Variants in THSD7A observed in about 807,000 individuals in gnomAD.
THSD7A encodes the protein thrombospondin type 1 domain containing 7A.
A neutral mutation model predicts 231.3 loss-of-function variants in THSD7A; 96 were observed. The ratio of observed to expected loss-of-function variants is 0.41; its 90% CI spans 0.35 to 0.49. The LOEUF is 0.49. Ranked by LOEUF, THSD7A falls within the 20% of genes least tolerant of loss-of-function variation. THSD7A has a pLI of 0.05. For missense variants in THSD7A, 2,290 were observed against 2,070.2 expected, an observed-to-expected ratio of 1.11 and a Z score of -2.06; for synonymous variants, 940 against 743.3, an observed-to-expected ratio of 1.26 and a Z score of -4.30.
intron 1 of THSD7A, among the ~76,000 whole-genome samples, chr7:11,736,970 T>G (rs1781937934): frequency 6.6e-6 from 1 of 151,980 alleles, no homozygotes; most frequent in East Asian, 1.9e-4. Context: ...GACTTCCTCC[T>G]TCTCTGGGCT....
chr7:11,603,011 G>T (rs1016939946), intron 2 of THSD7A, among the ~76,000 whole-genome samples: 3 of 150,884 alleles, frequency 2.0e-5, no homozygotes, highest in African/African-American at 7.3e-5. Flanking sequence ...GGCAACAAAA[G>T]ACAAAATTGA....
intron 2 of THSD7A, 121 bp from the exon 3 acceptor site, chr7:11,593,623 T>G: frequency 8.1e-7 from 1 of 1,235,606 alleles, no homozygotes; most frequent in Non-Finnish European, 1.1e-6. Context: ...TGATTCCAGT[T>G]TCATCGAAAA....
In THSD7A at chr7:11,558,588, G is replaced by A. The variant is rs1053940866; in HGVS notation, c.1454-15471C>T. 2.0e-5 allele frequency among the ~76,000 whole-genome samples: 3 copies of A among 152,108 alleles called. No individual in the cohort carries two copies. The East Asian group carries it at 5.8e-4, about 30-fold the overall frequency. Reference sequence around the variant, plus strand: ...AGGAAACCATTTTCAGACAGAAAATGAAAGTATTACTATACTAGACCATAA... The same window carrying A: ...AGGAAACCATTTTCAGACAGAAAATAAAAGTATTACTATACTAGACCATAA... On this transcript the variant is annotated intron_variant, in intron 4 of 27. Coordinates refer to ENST00000423059, the MANE Select transcript of THSD7A (RefSeq NM_015204.3).
chr7:11,529,373 G>C lies in THSD7A; in HGVS notation c.1822+12046C>G, dbSNP rs192338100. Among the ~76,000 whole-genome samples the C allele has an allele frequency of 6.3e-4, 96 of 152,228 alleles. 2 individuals carry two copies. The East Asian group carries it at 0.015, about 25-fold the overall frequency. ...TGATGAGTGTGTTATGAAAATAAATGAGCTAGGCTGCAAATCATGTAATCA... is the reference window on the plus strand; with the variant it reads ...TGATGAGTGTGTTATGAAAATAAATCAGCTAGGCTGCAAATCATGTAATCA... On this transcript the variant is annotated intron_variant, in intron 6 of 27. Transcript: ENST00000423059.
At chr7:11,609,184 G>A (rs1304031800) in intron 2 of THSD7A, among the ~76,000 whole-genome samples, 3 of 152,086 alleles carry the variant, frequency 2.0e-5, no homozygotes, top group Non-Finnish European at 2.9e-5. Context: ...CCCAGTGGGA[G>A]CCCTTCCTTC....
chr7:11,611,826 A>T (rs1002018767), intron 2 of THSD7A, among the ~76,000 whole-genome samples: 2 of 135,896 alleles, frequency 1.5e-5, no homozygotes, highest in African/African-American at 5.4e-5. Flanking sequence ...ACACACACAC[A>T]CACACTATCA....
At chr7:11,631,345 G>T (rs551447369) in intron 2 of THSD7A, among the ~76,000 whole-genome samples, 1 of 152,238 alleles carries the variant, frequency 6.6e-6, no homozygotes, top group African/African-American at 2.4e-5. Flanking sequence ...GTGATTTCAA[G>T]GCAGGGGAGT....
At position 11,376,588 on chromosome 7, in the gene THSD7A, G is replaced by A; in HGVS notation, c.4871C>T (p.Ser1624Phe). 3 of 1,583,122 alleles carry A rather than the reference G, an allele frequency of 1.9e-6. No homozygotes were observed. The highest frequency in any genetic ancestry group is 1.2e-5 in the South Asian group (1 of 85,994). Residue 1624 changes from serine (S) to phenylalanine (F), a missense_variant, in exon 27 of 28, where the codon TCC becomes TTC. Physicochemically the swap from Ser to Phe is radical, Grantham distance 155. Transcript: ENST00000423059. ...GAFVLLIFIV[S>F]MIYLACKKPK... ...CACTCACCAAGCTAGATAAATCATG[G>A]AGACAATAAAGATGAGTAACACAAA...
intron 1 of THSD7A, among the ~76,000 whole-genome samples, chr7:11,753,848 A>G (rs887415886): frequency 2.6e-5 from 4 of 151,962 alleles, no homozygotes; most frequent in African/African-American, 9.7e-5. Flanking sequence ...AAAAAGAATT[A>G]TCGTCAGTAA....
At chr7:11,782,780 G>A (rs1228107554) in intron 1 of THSD7A, among the ~76,000 whole-genome samples, 3 of 152,036 alleles carry the variant, frequency 2.0e-5, no homozygotes, top group Non-Finnish European at 4.4e-5. Context: ...AAAGTTAAAT[G>A]AATTTTTTTT....
chr7:11,469,817 C>G (rs1409164269), intron 9 of THSD7A, 62 bp downstream of exon 9: 6 of 1,149,172 alleles, frequency 5.2e-6, no homozygotes, highest in African/African-American at 1.5e-5. Context: ...GGCCAGAAGA[C>G]CTCAGAAGTC....
Position 11,831,705 on chromosome 7 carries a change from T to A in THSD7A, c.190+52A>T. ...TCCCTACAGAAGCCCACCAGCTCCT[T>A]AATGTGGCCCCAGATGTGAAGATGG... On this transcript the variant is annotated intron_variant, in intron 1 of 27. Coordinates refer to ENST00000423059, the MANE Select transcript of THSD7A (RefSeq NM_015204.3). This position sits in a 1 kb window ranked among gnomAD's most constrained non-coding sequence, Gnocchi z 5.0. 7.7e-7 allele frequency: 1 copy of A among 1,303,032 alleles called. No homozygotes were observed. Among genetic ancestry groups the A allele is most frequent in the Non-Finnish European group, 9.9e-7 (1 of 1,009,560 alleles). The allele number at this position is 1,303,032 out of a possible 1,614,324, so 80.7% of individuals were successfully genotyped here. A position where few individuals can be genotyped will look rare whatever the true frequency, so the allele number is the denominator to read the frequency against.
intron 1 of THSD7A, among the ~76,000 whole-genome samples, chr7:11,656,618 T>G (rs28377008): frequency 0.27 from 40,895 of 151,756 alleles, 5,591 homozygotes; most frequent in Admixed American, 0.32. Flanking sequence ...AAAGAATTAG[T>G]ACCTACGGCT....
intron 1 of THSD7A, among the ~76,000 whole-genome samples, chr7:11,654,684 T>C (rs920643884): frequency 2.0e-5 from 3 of 151,954 alleles, no homozygotes; most frequent in Admixed American, 6.6e-5. Flanking sequence ...AATATATTAG[T>C]ATTGGTTTAT....
chr7:11,424,727 A>T lies in THSD7A; in HGVS notation c.3352T>A (p.Cys1118Ser). 1 of 1,613,954 alleles carries T rather than the reference A, an allele frequency of 6.2e-7. No individual in the cohort carries two copies. Among genetic ancestry groups the T allele is most frequent in the Non-Finnish European group, 8.5e-7 (1 of 1,179,874 alleles). Reference sequence around the variant, plus strand: ...TTTCGGGTTTGCACGCCCTCTCCACAGTTCTCCCGCATATTCACAAAGGTC... The same window carrying T: ...TTTCGGGTTTGCACGCCCTCTCCACTGTTCTCCCGCATATTCACAAAGGTC... ...KVTFVNMREN[C>S]GEGVQTRKVR... Residue 1118 changes from cysteine to serine, a missense_variant, in exon 16 of 28, where the codon TGT becomes AGT. Physicochemically the swap from Cys to Ser is moderately radical, Grantham distance 112. Transcript: ENST00000423059.
intron 17 of THSD7A, among the ~76,000 whole-genome samples, chr7:11,416,777 C>T (rs1220321292): frequency 6.6e-6 from 1 of 152,130 alleles, no homozygotes; most frequent in East Asian, 1.9e-4. Context: ...ACATAAGCAG[C>T]CAGTTCTGTT....
At chr7:11,403,135 A>T (rs1783465581) in intron 22 of THSD7A, among the ~76,000 whole-genome samples, 1 of 152,196 alleles carries the variant, frequency 6.6e-6, no homozygotes, top group Non-Finnish European at 1.5e-5. Context: ...TATGATAGAC[A>T]CAAATTCACA....
At chr7:11,395,700 G>A (rs1411525208) in intron 23 of THSD7A, among the ~76,000 whole-genome samples, 3 of 151,870 alleles carry the variant, frequency 2.0e-5, no homozygotes. Context: ...GCTGATTATT[G>A]TATTTTTAGT....
At chr7:11,796,720 T>C (rs1322813153) in intron 1 of THSD7A, among the ~76,000 whole-genome samples, 1 of 152,108 alleles carries the variant, frequency 6.6e-6, no homozygotes, top group Admixed American at 6.6e-5. Context: ...AAATAACAAC[T>C]ATTAATTTGT....
Sources: allele counts gnomAD v4.1 joint callset (sites outside exome capture counted in the v4.1 genomes callset), GRCh38; gene constraint gnomAD v4.1.1; non-coding constraint Gnocchi (gnomAD v3.1); transcripts MANE v1.5; gene names NCBI Gene and HGNC (gene_info 2026-07-23, HGNC 2026-07-21).